CACNB4: variants seen among roughly 807,000 people sequenced by gnomAD.
CACNB4 encodes calcium voltage-gated channel auxiliary subunit beta 4, also known as voltage-dependent L-type calcium channel subunit beta-4.
In CACNB4, 32 loss-of-function variants were observed where a neutral mutation model predicts 71.2. That is an observed-to-expected ratio of 0.45 (90% CI 0.34 to 0.60). CACNB4 has a LOEUF of 0.60. Ranked by LOEUF, CACNB4 falls within the 20% of genes least tolerant of loss-of-function variation. The probability of loss-of-function intolerance (pLI) is 0.01; values close to 1 mark genes in which losing one functional copy is unlikely to be tolerated. For synonymous variants in CACNB4, 231 were observed against 236.9 expected, an observed-to-expected ratio of 0.97 and a Z score of 0.23; for missense variants, 464 against 647.9, an observed-to-expected ratio of 0.72 and a Z score of 3.08.
At position 151,835,096 on chromosome 2, in the gene CACNB4, A is replaced by C. The variant is rs1054340038; in HGVS notation, c.*4023T>G. On this transcript the variant is annotated 3_prime_UTR_variant, in exon 14 of 14. Coordinates refer to ENST00000539935, the MANE Select transcript of CACNB4 (RefSeq NM_000726.5). ...GAAGTCAAGGACCAACAAAATGTGA[A>C]TTTGCAAACCAGCTGCTCTTAAACA... The C allele has an allele frequency of 4.6e-5, 7 of 151,942 alleles. No homozygotes were observed. The highest frequency in any genetic ancestry group is 1.0e-4 in the Non-Finnish European group (7 of 67,832). 9.4% of individuals were successfully genotyped at this position (151,942 alleles called of 1,614,324 possible). A position where few individuals can be genotyped will look rare whatever the true frequency, so the allele number is the denominator to read the frequency against.
At chr2:151,963,430 T>C (rs2099870182) in intron 2 of CACNB4, among the ~76,000 whole-genome samples, 1 of 152,090 alleles carries the variant, frequency 6.6e-6, no homozygotes, top group African/African-American at 2.4e-5. Context: ...ATCTTTGATA[T>C]GATGAGGGCA....
At chr2:152,041,575 T>C (rs1306407392) in intron 2 of CACNB4, among the ~76,000 whole-genome samples, 1 of 152,214 alleles carries the variant, frequency 6.6e-6, no homozygotes, top group Non-Finnish European at 1.5e-5. Flanking sequence ...ATGAAAGTTC[T>C]GAGTTTTGAT....
At chr2:151,961,216 G>C (rs926453730) in intron 2 of CACNB4, among the ~76,000 whole-genome samples, 2 of 152,134 alleles carry the variant, frequency 1.3e-5, no homozygotes, top group Non-Finnish European at 1.5e-5. Context: ...CATTTGGAGA[G>C]ATCCCAAAAA....
At chr2:152,001,024 A>C (rs968385062) in intron 2 of CACNB4, among the ~76,000 whole-genome samples, 1 of 152,218 alleles carries the variant, frequency 6.6e-6, no homozygotes, top group Non-Finnish European at 1.5e-5. Flanking sequence ...ACACCATGCT[A>C]AGCAGTTTTC....
At chr2:151,903,559 G>A (rs2099854010) in intron 2 of CACNB4, among the ~76,000 whole-genome samples, 1 of 151,986 alleles carries the variant, frequency 6.6e-6, no homozygotes, top group Non-Finnish European at 1.5e-5. Context: ...ATAAAACCGG[G>A]AATGACACTA....
At chr2:151,925,410 C>A (rs1384288890) in intron 2 of CACNB4, among the ~76,000 whole-genome samples, 1 of 152,158 alleles carries the variant, frequency 6.6e-6, no homozygotes, top group African/African-American at 2.4e-5. Context: ...AGTTGAAGTA[C>A]CATGCTTTTG....
At chr2:151,951,070 G>C (rs1159825318) in intron 2 of CACNB4, among the ~76,000 whole-genome samples, 1 of 151,952 alleles carries the variant, frequency 6.6e-6, no homozygotes, top group African/African-American at 2.4e-5. Flanking sequence ...TCAGCCTCCC[G>C]AGTACCTGGG....
intron 5 of CACNB4, among the ~76,000 whole-genome samples, chr2:151,876,076 A>T (rs1332003190): frequency 1.3e-5 from 2 of 151,980 alleles, no homozygotes; most frequent in African/African-American, 4.8e-5. Context: ...CACTTAAGGG[A>T]GAGTCTCTGT....
intron 5 of CACNB4, among the ~76,000 whole-genome samples, chr2:151,875,667 G>C (rs1390170063): frequency 9.2e-6 from 1 of 108,422 alleles, no homozygotes; most frequent in Non-Finnish European, 1.8e-5. Context: ...TGGCCGGGTG[G>C]GGGGCTGACC....
intron 5 of CACNB4, among the ~76,000 whole-genome samples, chr2:151,875,874 G>A (rs1464368494): frequency 6.9e-6 from 1 of 145,500 alleles, no homozygotes; most frequent in Admixed American, 6.7e-5. Context: ...TCCCGGACGG[G>A]GCGGCTGGCC....
intron 2 of CACNB4, among the ~76,000 whole-genome samples, chr2:151,974,431 T>C (rs542574549): frequency 2.6e-5 from 4 of 152,316 alleles, no homozygotes; most frequent in East Asian, 1.9e-4. Flanking sequence ...GGAATTTCTA[T>C]AGTAAAAGTT....
intron 2 of CACNB4, among the ~76,000 whole-genome samples, chr2:151,932,824 T>TAAAAAAAA (rs34714238): frequency 1.4e-5 from 1 of 69,874 alleles, no homozygotes; most frequent in Non-Finnish European, 2.9e-5. Context: ...AGACTGGATC[T>TAAAAAAAA]AAAAAAAAAA....
At chr2:152,060,713 G>C (rs1416486699) in intron 2 of CACNB4, among the ~76,000 whole-genome samples, 1 of 151,830 alleles carries the variant, frequency 6.6e-6, no homozygotes, top group East Asian at 1.9e-4. Flanking sequence ...TCCAGCAACA[G>C]GGGCAAGTTA....
chr2:152,012,603 CAA>C (rs35418691), intron 2 of CACNB4, among the ~76,000 whole-genome samples: 92 of 123,416 alleles, frequency 7.5e-4, no homozygotes, highest in Middle Eastern at 4.3e-3. Flanking sequence ...CGCTCCATCT[CAA>C]AAAAAAAAAA....
At chr2:152,088,309 GA>G (rs959541236) in intron 2 of CACNB4, among the ~76,000 whole-genome samples, 8 of 150,970 alleles carry the variant, frequency 5.3e-5, no homozygotes, top group African/African-American at 1.7e-4. Flanking sequence ...CATTTAAGAA[GA>G]AAAAAAAGGA....
intron 2 of CACNB4, chr2:151,972,330 G>T (rs948426033): frequency 7.9e-5 from 12 of 152,258 alleles, no homozygotes; most frequent in Non-Finnish European, 1.5e-4. Context: ...TCATAACTGA[G>T]TGAGCAGAGA....
chr2:152,054,139 G>A (rs1198196051), intron 2 of CACNB4, among the ~76,000 whole-genome samples: 7 of 151,552 alleles, frequency 4.6e-5, no homozygotes, highest in Admixed American at 1.3e-4. Flanking sequence ...AGGCCGAGAC[G>A]GGCAGATCAC....
intron 2 of CACNB4, among the ~76,000 whole-genome samples, chr2:151,980,253 T>A (rs2099874484): frequency 6.6e-6 from 1 of 152,132 alleles, no homozygotes; most frequent in Admixed American, 6.5e-5. Flanking sequence ...TGGCTTCCCA[T>A]CGAAAAACCC....
chr2:151,857,739 G>T (rs916382494), intron 10 of CACNB4: 4 of 152,198 alleles, frequency 2.6e-5, no homozygotes, highest in Admixed American at 1.3e-4. Flanking sequence ...GAACTGGACT[G>T]CCCTGGTACA....
Sources: allele counts gnomAD v4.1 joint callset (sites outside exome capture counted in the v4.1 genomes callset), GRCh38; gene constraint gnomAD v4.1.1; transcripts MANE v1.5; gene names NCBI Gene and HGNC (gene_info 2026-07-23, HGNC 2026-07-21).